Variants in BAIAP2L1 observed in about 807,000 individuals in gnomAD.
The protein encoded by BAIAP2L1 is BAR/IMD domain containing adaptor protein 2 like 1, also known as BAR/IMD domain-containing adapter protein 2-like 1.
In BAIAP2L1, 35 loss-of-function variants were observed where a neutral mutation model predicts 66.3. The observed-to-expected ratio is 0.53, with a 90% CI of 0.40 to 0.70. The LOEUF (loss-of-function observed/expected upper bound fraction) is 0.70, where lower values mean the gene tolerates loss of function less well. BAIAP2L1 is among the 30% of genes least tolerant of loss of function. The pLI, the probability that BAIAP2L1 is intolerant of heterozygous loss-of-function variation, is 0.00. For synonymous variants in BAIAP2L1, 269 were observed against 248.7 expected (o/e 1.08, Z -0.77); for missense variants, 622 against 656.9 (o/e 0.95, Z 0.58).
rs977184537 is a variant in BAIAP2L1, at chr7:98,372,801, A to C, written c.52-10369T>G. 4.4e-5 allele frequency among the ~76,000 whole-genome samples: 6 copies of C among 135,910 alleles called. No homozygotes were observed. In the East Asian group the frequency reaches 1.4e-3, roughly 31 times the overall value. 89.2% of individuals were successfully genotyped at this position (135,910 alleles called of 152,430 possible). A position where few individuals can be genotyped will look rare whatever the true frequency, so the allele number is the denominator to read the frequency against. On this transcript the variant is annotated intron_variant, in intron 1 of 13. Coordinates refer to ENST00000005260, the MANE Select transcript of BAIAP2L1 (RefSeq NM_018842.5). ...TCTCCCAGGCTGGAATGTAGTGGCC[A>C]GTGGCCTGATCTCGGCTCACTGCAA...
At chr7:98,361,427 C>CA (rs1802269719) in intron 2 of BAIAP2L1, among the ~76,000 whole-genome samples, 1 of 151,912 alleles carries the variant, frequency 6.6e-6, no homozygotes, top group Admixed American at 6.6e-5. Flanking sequence ...AAGCTGCCTT[C>CA]AAATCTGTCA....
intron 7 of BAIAP2L1, among the ~76,000 whole-genome samples, chr7:98,314,979 A>G (rs1446551825): frequency 3.9e-5 from 6 of 152,216 alleles, no homozygotes; most frequent in Non-Finnish European, 7.3e-5. Flanking sequence ...TGGACGTTTG[A>G]CCATTTCAGC....
intron 1 of BAIAP2L1, among the ~76,000 whole-genome samples, chr7:98,378,150 CAAA>C (rs1359683678): frequency 6.8e-6 from 1 of 148,126 alleles, no homozygotes; most frequent in Non-Finnish European, 1.5e-5. Context: ...CTCTGTCTCT[CAAA>C]AAACAAAAAT....
At chr7:98,357,893 C>T (rs532815923) in intron 2 of BAIAP2L1, among the ~76,000 whole-genome samples, 21 of 152,296 alleles carry the variant, frequency 1.4e-4, no homozygotes, top group African/African-American at 4.6e-4. Context: ...GGGCACTTCA[C>T]TTCCTCAGCT....
intron 13 of BAIAP2L1, among the ~76,000 whole-genome samples, 166 bp downstream of exon 13, chr7:98,293,908 A>G (rs1166112459): frequency 2.6e-5 from 4 of 152,206 alleles, no homozygotes; most frequent in African/African-American, 9.7e-5. Context: ...AGCGTGGTCT[A>G]AAGTAGTTGG....
At chr7:98,385,623 A>G (rs1802868760) in intron 1 of BAIAP2L1, among the ~76,000 whole-genome samples, 2 of 151,966 alleles carry the variant, frequency 1.3e-5, no homozygotes, top group South Asian at 4.2e-4. Flanking sequence ...TATGTTGTCC[A>G]GGCTGGTCTC....
chr7:98,294,487 C>G (rs988432562), intron 12 of BAIAP2L1, among the ~76,000 whole-genome samples: 2 of 152,190 alleles, frequency 1.3e-5, no homozygotes, highest in East Asian at 3.8e-4. Context: ...ACTGCCTGCG[C>G]GGGTCACCCG....
In BAIAP2L1 at chr7:98,319,969, G is replaced by A. The variant is rs1801198296; in HGVS notation, c.348+89C>T. On this transcript the variant is annotated intron_variant, in intron 5 of 13. Coordinates refer to ENST00000005260, the MANE Select transcript of BAIAP2L1 (RefSeq NM_018842.5). ...ACACGGAGCTTCTCTCCTGTCTGCT[G>A]CTGATGAGTCAACAGTGGGAACGAG... is the stretch of plus-strand genomic sequence containing the variant. 5.7e-5 allele frequency: 59 copies of A among 1,027,836 alleles called. 1 individual carries two copies. The South Asian group carries it at 8.4e-4, about 15-fold the overall frequency. 63.7% of individuals were successfully genotyped at this position (1,027,836 alleles called of 1,614,324 possible). A position where few individuals can be genotyped will look rare whatever the true frequency, so the allele number is the denominator to read the frequency against.
At chr7:98,298,824 C>G (rs1020930930) in intron 12 of BAIAP2L1, among the ~76,000 whole-genome samples, 1 of 151,938 alleles carries the variant, frequency 6.6e-6, no homozygotes, top group African/African-American at 2.4e-5. Flanking sequence ...CCAGAGGCCC[C>G]CGGGGCTTTC....
At position 98,387,089 on chromosome 7, in the gene BAIAP2L1, CAT is replaced by C. The variant is rs1802912947; in HGVS notation, c.51+13711_51+13712del. Among the ~76,000 whole-genome samples, 2 of 152,112 alleles carry C rather than the reference CAT, an allele frequency of 1.3e-5. 1 individual carries two copies. The highest frequency in any genetic ancestry group is 1.3e-4 in the Admixed American group (2 of 15,258). On this transcript the variant is annotated intron_variant, in intron 1 of 13. Coordinates refer to ENST00000005260, the MANE Select transcript of BAIAP2L1 (RefSeq NM_018842.5). The stretch of plus-strand genomic sequence containing the variant: ...TATTAAGCTTTTCCTTCTTTCTTCC[CAT>C]ATTGAGACAAAACCAAGTCCAAATA...
chr7:98,386,069 G>A (rs570444784), intron 1 of BAIAP2L1: 123 of 1,528,512 alleles, frequency 8.0e-5, no homozygotes, highest in Non-Finnish European at 9.9e-5. Flanking sequence ...TGCACCTCTC[G>A]GGTCATGATT....
At chr7:98,397,816 CTAAT>C (rs773522285) in intron 1 of BAIAP2L1, among the ~76,000 whole-genome samples, 4 of 152,092 alleles carry the variant, frequency 2.6e-5, no homozygotes, top group South Asian at 4.1e-4. Context: ...TGGCTGAACT[CTAAT>C]TAGTAACAGC....
chr7:98,376,109 G>C (rs1357088492), intron 1 of BAIAP2L1, among the ~76,000 whole-genome samples: 1 of 152,056 alleles, frequency 6.6e-6, no homozygotes. Flanking sequence ...TGCTCACCTT[G>C]GTCTGTACTG....
rs1298040361 is a variant in BAIAP2L1, at chr7:98,384,692, CCTT to C, written c.51+16107_51+16109del. Among the ~76,000 whole-genome samples, 5 of 76,736 alleles carry C rather than the reference CCTT, an allele frequency of 6.5e-5. No individual in the cohort carries two copies. The East Asian group carries it at 1.6e-3, about 25-fold the overall frequency. The allele number at this position is 76,736 out of a possible 152,430, so 50.3% of individuals were successfully genotyped here. A position where few individuals can be genotyped will look rare whatever the true frequency, so the allele number is the denominator to read the frequency against. ...AGACTCTGTGAGACAGATCATTCTA[CCTT>C]TTTTTTTTTTTTTTTTTTGTGAGAT... On this transcript the variant is annotated intron_variant, in intron 1 of 13. Transcript: ENST00000005260.
chr7:98,304,618 G>T (rs1288657444), intron 11 of BAIAP2L1, among the ~76,000 whole-genome samples: 3 of 152,236 alleles, frequency 2.0e-5, no homozygotes, highest in Middle Eastern at 3.4e-3. Flanking sequence ...CATGATGTCA[G>T]CTCACTGCAA....
At chr7:98,382,663 T>G (rs1802785586) in intron 1 of BAIAP2L1, among the ~76,000 whole-genome samples, 1 of 152,190 alleles carries the variant, frequency 6.6e-6, no homozygotes, top group Admixed American at 6.5e-5. Flanking sequence ...TATGTTTATT[T>G]CTTGGCAATG....
intron 2 of BAIAP2L1, among the ~76,000 whole-genome samples, chr7:98,358,328 T>C (rs563824528): frequency 2.0e-5 from 3 of 152,240 alleles, no homozygotes; most frequent in South Asian, 2.1e-4. Flanking sequence ...CTACTACTTA[T>C]TGTTTTAAGG....
chr7:98,372,756 T>G (rs1466059818), intron 1 of BAIAP2L1, among the ~76,000 whole-genome samples: 3 of 83,400 alleles, frequency 3.6e-5, no homozygotes, highest in Non-Finnish European at 5.1e-5. Flanking sequence ...TTTTTTTTTT[T>G]GAGACACAGT....
chr7:98,360,429 C>G (rs890403430), intron 2 of BAIAP2L1, among the ~76,000 whole-genome samples: 2 of 152,110 alleles, frequency 1.3e-5, no homozygotes, highest in African/African-American at 4.8e-5. Flanking sequence ...ACACATTTAC[C>G]TACATTTCTC....
Sources: allele counts gnomAD v4.1 joint callset (sites outside exome capture counted in the v4.1 genomes callset), GRCh38; gene constraint gnomAD v4.1.1; transcripts MANE v1.5; gene names NCBI Gene and HGNC (gene_info 2026-07-23, HGNC 2026-07-21).